The following ZNF442 variants were observed in gnomAD, a reference collection of about 807,000 sequenced individuals.
ZNF442 encodes zinc finger protein 442.
Under a neutral mutation model 57.0 loss-of-function variants are expected in ZNF442, and 45 were observed. The observed-to-expected ratio is 0.79, with a 90% confidence interval of 0.62 to 1.01. The LOEUF (loss-of-function observed/expected upper bound fraction) is 1.01. Among genes scored for constraint, ZNF442 ranks in the 50% least tolerant of loss-of-function variants. The probability of loss-of-function intolerance (pLI) is 0.00; values close to 1 mark genes in which losing one functional copy is unlikely to be tolerated. For missense variants in ZNF442, 690 were observed against 756.5 expected, an observed-to-expected ratio of 0.91 and a Z score of 1.03; for synonymous variants, 213 against 241.8, an observed-to-expected ratio of 0.88 and a Z score of 1.10.
intron 1 of ZNF442, 89 bp downstream of exon 1, chr19:12,365,443 CG>C: frequency 3.1e-6 from 1 of 322,368 alleles, no homozygotes; most frequent in South Asian, 3.6e-5. Flanking sequence ...GCAGTCGCCG[CG>C]GGGACGCCCG....
intron 3 of ZNF442, among the ~76,000 whole-genome samples, chr19:12,362,316 G>A (rs897414414): frequency 2.6e-5 from 4 of 151,898 alleles, no homozygotes; most frequent in Non-Finnish European, 1.5e-5. Flanking sequence ...GATGTGGGGA[G>A]CGCCTCTGCC....
chr19:12,360,746 G>A (rs1404466229), intron 3 of ZNF442, among the ~76,000 whole-genome samples: 1 of 152,058 alleles, frequency 6.6e-6, no homozygotes, highest in Non-Finnish European at 1.5e-5. Flanking sequence ...CCGTGGTGGT[G>A]GTGGGCGCCT....
chr19:12,358,991 CA>C (rs1969379934), intron 3 of ZNF442, among the ~76,000 whole-genome samples: 1 of 152,148 alleles, frequency 6.6e-6, no homozygotes, highest in African/African-American at 2.4e-5. Context: ...TTAAGGTTGT[CA>C]GTTTGTTATA....
At position 12,349,852 on chromosome 19, in the gene ZNF442, C is replaced by A; in HGVS notation, c.1733G>T (p.Gly578Val). The A allele has an allele frequency of 6.2e-7, 1 of 1,613,496 alleles. No individual in the cohort carries two copies. The highest frequency in any genetic ancestry group is 2.2e-5 in the East Asian group (1 of 44,830). The change falls in exon 6 of 6, where the codon GGT (glycine) becomes GTT (valine). Residue 578 changes from glycine (G) to valine (V), a missense_variant. Transcript: ENST00000242804. ...GKKSYECQQC[G>V]KAFTRSRFLR... ...GAAACGAGAACGAGTGAAGGCTTTA[C>A]CACATTGTTGACATTCATAAGATTT... is the stretch of plus-strand genomic sequence containing the variant.
chr19:12,349,059 G>A lies in ZNF442; in HGVS notation c.*642C>T, dbSNP rs1438572515. 1 of 150,184 alleles carries A rather than the reference G, an allele frequency of 6.7e-6. No homozygotes were observed. The highest frequency in any genetic ancestry group is 2.4e-5 in the African/African-American group (1 of 40,982). 9.3% of individuals were successfully genotyped at this position (150,184 alleles called of 1,614,324 possible). ...AAAAAAAAAAAAAAAAAATTAGCTG[G>A]GTGTGGTGGCATGCATCTGTAATCC... On this transcript the variant is annotated 3_prime_UTR_variant, in exon 6 of 6. Transcript: ENST00000242804.
chr19:12,373,718 T>C, the ZNF442 span: 1 of 260,174 alleles, frequency 3.8e-6, no homozygotes, highest in Non-Finnish European at 8.0e-6. Context: ...GTAGGTTTCA[T>C]TAAGTTGGAC....
the ZNF442 span, among the ~76,000 whole-genome samples, chr19:12,373,067 C>T: frequency 6.6e-6 from 1 of 152,172 alleles, no homozygotes; most frequent in Admixed American, 6.5e-5. Context: ...CCACCGCACC[C>T]AGCCGGATCT....
intron 5 of ZNF442, chr19:12,351,713 C>T (rs1306361737): frequency 1.8e-5 from 6 of 340,270 alleles, no homozygotes; most frequent in Non-Finnish European, 2.7e-5. Flanking sequence ...ACCATGTTGG[C>T]CAGGATGGTC....
At chr19:12,358,864 G>A (rs1969378378) in intron 3 of ZNF442, among the ~76,000 whole-genome samples, 1 of 152,186 alleles carries the variant, frequency 6.6e-6, no homozygotes, top group Non-Finnish European at 1.5e-5. Context: ...CCAGGCAGAT[G>A]CCAGTGGCAA....
intron 4 of ZNF442, 69 bp downstream of exon 4, chr19:12,352,919 T>C: frequency 6.4e-7 from 1 of 1,557,864 alleles, no homozygotes; most frequent in Non-Finnish European, 8.7e-7. Flanking sequence ...TTCAAATCAT[T>C]CAACAGCATT....
the ZNF442 span, among the ~76,000 whole-genome samples, chr19:12,371,944 G>A: frequency 6.6e-6 from 1 of 152,122 alleles, no homozygotes; most frequent in Non-Finnish European, 1.5e-5. Context: ...ACATTGACAA[G>A]TGGGATCTAA....
At chr19:12,367,118 C>A (rs544652015), upstream of ZNF442, among the ~76,000 whole-genome samples, 1 of 152,164 alleles carries the variant, frequency 6.6e-6, no homozygotes, top group South Asian at 2.1e-4. Context: ...TGACTACTAT[C>A]GGGGAAACCA....
At position 12,347,805 on chromosome 19, in the gene ZNF442, A is replaced by G. The variant is rs920152234; in HGVS notation, c.*1896T>C. On this transcript the variant is annotated 3_prime_UTR_variant, in exon 6 of 6. Coordinates refer to ENST00000242804, the MANE Select transcript of ZNF442 (RefSeq NM_030824.3). ...GGAAGCCCTTCTCAGGTTTACTCCC[A>G]ATAAAACTGTCTCAACTGTTGAGCC... is the stretch of plus-strand genomic sequence containing the variant. 3.9e-5 allele frequency: 6 copies of G among 152,212 alleles called. No homozygotes were observed. Among genetic ancestry groups the G allele is most frequent in the African/African-American group, 1.4e-4 (6 of 41,450 alleles). 9.4% of individuals were successfully genotyped at this position (152,212 alleles called of 1,614,324 possible).
At chr19:12,352,142 C>T (rs529196122) in intron 4 of ZNF442, 72 bp from the exon 5 acceptor site, 1 of 1,425,344 alleles carries the variant, frequency 7.0e-7, no homozygotes, top group South Asian at 1.2e-5. Context: ...ATTTTATGTA[C>T]AATGGAATCA....
At chr19:12,362,528 C>T (rs1338389357) in intron 3 of ZNF442, among the ~76,000 whole-genome samples, 2 of 151,540 alleles carry the variant, frequency 1.3e-5, no homozygotes, top group African/African-American at 2.4e-5. Context: ...GCCCGGCAGC[C>T]GCCCCCTCCA....
Position 12,349,615 on chromosome 19 carries a change from T to C in ZNF442, c.*86A>G. On this transcript the variant is annotated 3_prime_UTR_variant, in exon 6 of 6. Transcript: ENST00000242804. ...AAAGAAACATCTTAAGGCTTTACCATGTGTTTGCATTCATGAGGCTTATCT... is the reference window on the plus strand; with the variant it reads ...AAAGAAACATCTTAAGGCTTTACCACGTGTTTGCATTCATGAGGCTTATCT... 1 of 1,338,126 alleles carries C rather than the reference T, an allele frequency of 7.5e-7. No homozygotes were observed. Among genetic ancestry groups the C allele is most frequent in the Non-Finnish European group, 1.0e-6 (1 of 978,892 alleles). The allele number at this position is 1,338,126 out of a possible 1,614,324, so 82.9% of individuals were successfully genotyped here. A position where few individuals can be genotyped will look rare whatever the true frequency, so the allele number is the denominator to read the frequency against.
upstream of ZNF442, among the ~76,000 whole-genome samples, chr19:12,369,765 G>T (rs1430643926): frequency 1.3e-5 from 2 of 151,818 alleles, no homozygotes; most frequent in East Asian, 3.9e-4. Flanking sequence ...AATTAGCTGG[G>T]CGTGGTGGTG....
At chr19:12,356,581 C>CA (rs1189042017) in intron 3 of ZNF442, among the ~76,000 whole-genome samples, 1 of 150,996 alleles carries the variant, frequency 6.6e-6, no homozygotes, top group African/African-American at 2.5e-5. Flanking sequence ...GAGCTGAGAT[C>CA]GCTCCATTGC....
rs765270654 is a variant in ZNF442, at chr19:12,347,643, C to A, written c.*2058G>T. ...CGCCCATAACTTCAACAGAGAATAA[C>A]GGCCCTAACTGTAACAGAACAGCCA... is the stretch of plus-strand genomic sequence containing the variant. On this transcript the variant is annotated 3_prime_UTR_variant, in exon 6 of 6. Coordinates refer to ENST00000242804, the MANE Select transcript of ZNF442 (RefSeq NM_030824.3). 2 of 152,238 alleles carry A rather than the reference C, an allele frequency of 1.3e-5. No individual in the cohort carries two copies. The highest frequency in any genetic ancestry group is 2.4e-5 in the African/African-American group (1 of 41,430). 9.4% of individuals were successfully genotyped at this position (152,238 alleles called of 1,614,324 possible).
Sources: allele counts gnomAD v4.1 joint callset (sites outside exome capture counted in the v4.1 genomes callset), GRCh38; gene constraint gnomAD v4.1.1; transcripts MANE v1.5; gene names NCBI Gene and HGNC (gene_info 2026-07-23, HGNC 2026-07-21).